The following STXBP5L variants were observed in gnomAD, a reference collection of about 807,000 sequenced individuals.
The protein encoded by STXBP5L is syntaxin binding protein 5L, also known as syntaxin-binding protein 5-like.
Under a neutral mutation model 144.5 loss-of-function variants are expected in STXBP5L, and 65 were observed. The observed-to-expected ratio is 0.45, with a 90% CI of 0.37 to 0.55. STXBP5L has a LOEUF of 0.55. Among genes scored for constraint, STXBP5L ranks in the 20% least tolerant of loss-of-function variants. The pLI is 0.00. For missense variants in STXBP5L, 1,298 were observed against 1,405.5 expected (o/e 0.92, Z 1.22); for synonymous variants, 505 against 469.6 (o/e 1.08, Z -0.97).
intron 3 of STXBP5L, among the ~76,000 whole-genome samples, chr3:121,025,177 T>G (rs1576695154): frequency 1.3e-5 from 2 of 152,252 alleles, no homozygotes; most frequent in East Asian, 3.9e-4. Context: ...AATATTTCTT[T>G]AAAGGGAGTT....
intron 20 of STXBP5L, among the ~76,000 whole-genome samples, chr3:121,350,372 G>C (rs567139029): frequency 5.3e-5 from 8 of 152,132 alleles, no homozygotes; most frequent in Non-Finnish European, 7.4e-5. Context: ...CCCGACCTTT[G>C]TCTCTGGCTG....
intron 5 of STXBP5L, among the ~76,000 whole-genome samples, chr3:121,094,967 G>T (rs1054565090): frequency 6.6e-6 from 1 of 152,024 alleles, no homozygotes; most frequent in Non-Finnish European, 1.5e-5. Flanking sequence ...GGGCAGGCCT[G>T]GTGGTGACAA....
chr3:121,336,397 T>C (rs2044506326), intron 20 of STXBP5L, among the ~76,000 whole-genome samples: 2 of 152,220 alleles, frequency 1.3e-5, no homozygotes, highest in African/African-American at 4.8e-5. Flanking sequence ...CTCAGGAGGC[T>C]GAGATGGAAG....
intron 10 of STXBP5L, among the ~76,000 whole-genome samples, chr3:121,219,674 T>C (rs909134792): frequency 5.3e-5 from 8 of 152,180 alleles, no homozygotes; most frequent in Non-Finnish European, 1.2e-4. Context: ...AAAATTATTT[T>C]CTGCTAATCT....
intron 3 of STXBP5L, among the ~76,000 whole-genome samples, chr3:121,041,134 T>C (rs1183917154): frequency 1.3e-5 from 2 of 151,868 alleles, no homozygotes; most frequent in Non-Finnish European, 2.9e-5. Flanking sequence ...GTAGCATATG[T>C]AGATGACTTG....
At position 121,181,938 on chromosome 3, in the gene STXBP5L, A is replaced by G. The variant is rs2047172086; in HGVS notation, c.878-23985A>G. Among the ~76,000 whole-genome samples, 3 of 149,580 alleles carry G rather than the reference A, an allele frequency of 2.0e-5. No homozygotes were observed. In the South Asian group the frequency reaches 6.5e-4, roughly 32 times the overall value. ...ATCAGACAACATAGACATTAAAGCA[A>G]CAACAGTTAAAAAAAAAAAAAAGAA... On this transcript the variant is annotated intron_variant, in intron 9 of 26. Coordinates refer to ENST00000471454, the MANE Select transcript of STXBP5L (RefSeq NM_001308330.2).
chr3:121,388,587 G>A (rs578055068), intron 22 of STXBP5L, among the ~76,000 whole-genome samples: 2 of 152,272 alleles, frequency 1.3e-5, no homozygotes, highest in African/African-American at 4.8e-5. Context: ...AGTTTATTGA[G>A]AGTTATTAGC....
At chr3:121,216,994 C>G (rs990164795) in intron 10 of STXBP5L, among the ~76,000 whole-genome samples, 4 of 152,122 alleles carry the variant, frequency 2.6e-5, no homozygotes, top group Admixed American at 2.0e-4. Context: ...AGGGCAATAC[C>G]ACCTACTCAA....
At chr3:120,968,798 T>A (rs888536634) in intron 3 of STXBP5L, among the ~76,000 whole-genome samples, 1 of 152,136 alleles carries the variant, frequency 6.6e-6, no homozygotes, top group Non-Finnish European at 1.5e-5. Context: ...AAACATATGA[T>A]ATTTGATTCT....
At chr3:120,984,232 T>G (rs1330268593) in intron 3 of STXBP5L, among the ~76,000 whole-genome samples, 1 of 152,206 alleles carries the variant, frequency 6.6e-6, no homozygotes, top group Non-Finnish European at 1.5e-5. Context: ...TTATGCCAGC[T>G]TGGGGGATAG....
chr3:121,385,436 C>A (rs1201925119), intron 22 of STXBP5L, among the ~76,000 whole-genome samples: 1 of 152,152 alleles, frequency 6.6e-6, no homozygotes, highest in Non-Finnish European at 1.5e-5. Context: ...GGCGCTAAGC[C>A]ATTCATTAGG....
intron 5 of STXBP5L, among the ~76,000 whole-genome samples, chr3:121,079,082 A>G (rs563758523): frequency 6.6e-6 from 1 of 152,368 alleles, no homozygotes; most frequent in South Asian, 2.1e-4. Context: ...AGAGCGAGTG[A>G]GGGCTGCAAG....
At chr3:121,017,004 A>G (rs1945190543) in intron 3 of STXBP5L, among the ~76,000 whole-genome samples, 1 of 152,212 alleles carries the variant, frequency 6.6e-6, no homozygotes. Flanking sequence ...CTACAGACCA[A>G]TATGTCTCAT....
intron 5 of STXBP5L, among the ~76,000 whole-genome samples, chr3:121,114,144 A>G (rs550363243): frequency 1.2e-4 from 19 of 152,278 alleles, no homozygotes; most frequent in South Asian, 8.3e-4. Context: ...AAGGAGTGAT[A>G]ATGTTGTGAA....
intron 7 of STXBP5L, among the ~76,000 whole-genome samples, chr3:121,145,619 TAAAG>T (rs1319014905): frequency 6.6e-6 from 1 of 151,868 alleles, no homozygotes; most frequent in Non-Finnish European, 1.5e-5. Flanking sequence ...AAGAAAAGAA[TAAAG>T]AACCACAAAC....
Position 121,378,808 on chromosome 3 carries a change from TG to T in STXBP5L, c.2273del (p.Gly758ValfsTer82). 6.2e-7 allele frequency: 1 copy of T among 1,613,754 alleles called. No individual in the cohort carries two copies. The highest frequency in any genetic ancestry group is 8.5e-7 in the Non-Finnish European group (1 of 1,179,838). On this transcript the variant is annotated frameshift_variant, in exon 21 of 27. Coordinates refer to ENST00000471454, the MANE Select transcript of STXBP5L (RefSeq NM_001308330.2). LOFTEE classifies it high-confidence loss of function. ...SSADVSKVNRWGPGRPPFRKA... is the reference protein window; with the variant it reads ...SSADVSKVNRXGPGRPPFRKA... ...TGCCGATGTTTCAAAAGTAAATCGC[TG>T]GGGTCCTGGAAGACCACCATTTCGA... is the stretch of plus-strand genomic sequence containing the variant.
chr3:121,387,922 T>C (rs1444544044), intron 22 of STXBP5L, among the ~76,000 whole-genome samples: 16 of 152,220 alleles, frequency 1.1e-4, no homozygotes, highest in South Asian at 4.1e-4. Flanking sequence ...AAAGTAGTTT[T>C]TTCCAATTCT....
intron 9 of STXBP5L, among the ~76,000 whole-genome samples, chr3:121,173,327 A>ATAT (rs1196014750): frequency 3.4e-5 from 1 of 29,568 alleles, no homozygotes; most frequent in Non-Finnish European, 6.3e-5. Context: ...TTAAAATATA[A>ATAT]TAATAATAAT....
At chr3:121,116,716 TTA>T (rs1485123656) in intron 6 of STXBP5L, among the ~76,000 whole-genome samples, 2 of 151,242 alleles carry the variant, frequency 1.3e-5, no homozygotes, top group Non-Finnish European at 2.9e-5. Context: ...CTATAAATAA[TTA>T]TGTTTCCCCC....
Sources: allele counts gnomAD v4.1 joint callset (sites outside exome capture counted in the v4.1 genomes callset), GRCh38; gene constraint gnomAD v4.1.1; transcripts MANE v1.5; gene names NCBI Gene and HGNC (gene_info 2026-07-23, HGNC 2026-07-21).